Variants in STX18 observed in about 807,000 individuals in gnomAD.
The protein encoded by STX18 is syntaxin-18.
STX18 carries 40 observed loss-of-function variants against 50.1 expected under a neutral mutation model. That is an observed-to-expected ratio of 0.80 (90% CI 0.62 to 1.04). The LOEUF is 1.04. Among genes scored for constraint, STX18 ranks in the 50% least tolerant of loss-of-function variants. STX18 has a pLI of 0.00. For missense variants in STX18, 410 were observed against 415.8 expected, an observed-to-expected ratio of 0.99 and a Z score of 0.12; for synonymous variants, 158 against 151.8, an observed-to-expected ratio of 1.04 and a Z score of -0.30.
intron 1 of STX18, among the ~76,000 whole-genome samples, chr4:4,511,712 TAG>T (rs1491382487): frequency 7.0e-5 from 7 of 99,854 alleles, no homozygotes; most frequent in East Asian, 6.5e-4. Flanking sequence ...CACTCATGAT[TAG>T]TGTGTGTGTG....
At chr4:4,465,656 G>T (rs538626741) in intron 2 of STX18, among the ~76,000 whole-genome samples, 1 of 152,280 alleles carries the variant, frequency 6.6e-6, no homozygotes, top group South Asian at 2.1e-4. Flanking sequence ...ATAGCTAATG[G>T]ATGCTGGGTT....
chr4:4,500,351 T>C (rs533036960), intron 1 of STX18, among the ~76,000 whole-genome samples: 2 of 152,238 alleles, frequency 1.3e-5, no homozygotes, highest in Non-Finnish European at 2.9e-5. Flanking sequence ...TTAAAAAGGA[T>C]GCTGCACCTG....
intron 1 of STX18, among the ~76,000 whole-genome samples, chr4:4,489,260 T>G (rs1728831038): frequency 6.6e-6 from 1 of 152,124 alleles, no homozygotes; most frequent in African/African-American, 2.4e-5. Flanking sequence ...GGGTCTTGCT[T>G]CATCATTCCC....
At chr4:4,447,287 C>T (rs1726459778) in intron 5 of STX18, among the ~76,000 whole-genome samples, 1 of 151,928 alleles carries the variant, frequency 6.6e-6, no homozygotes, top group Admixed American at 6.6e-5. Flanking sequence ...CCTGTTTTCC[C>T]ACCTATAAAA....
chr4:4,433,366 T>G (rs547898829), intron 7 of STX18, among the ~76,000 whole-genome samples: 1 of 152,188 alleles, frequency 6.6e-6, no homozygotes, highest in Admixed American at 6.5e-5. Flanking sequence ...CACTCATGCA[T>G]TCAACAAAGA....
chr4:4,423,464 A>G, intron 9 of STX18, 54 bp downstream of exon 9: 1 of 1,568,090 alleles, frequency 6.4e-7, no homozygotes, highest in Non-Finnish European at 8.8e-7. Flanking sequence ...CGTGCTCTCA[A>G]GTACATTCCC....
At chr4:4,454,503 G>A (rs1410402131) in intron 5 of STX18, among the ~76,000 whole-genome samples, 1 of 152,162 alleles carries the variant, frequency 6.6e-6, no homozygotes, top group African/African-American at 2.4e-5. Flanking sequence ...CCTCTCCCTG[G>A]TGAGTGTGAG....
At chr4:4,436,950 C>CTTTTTT (rs34174730) in intron 6 of STX18, among the ~76,000 whole-genome samples, 12 of 116,752 alleles carry the variant, frequency 1.0e-4, no homozygotes, top group African/African-American at 3.8e-4. Flanking sequence ...TCCAGACTCA[C>CTTTTTT]TTTTTTTTTT....
intron 7 of STX18, among the ~76,000 whole-genome samples, chr4:4,427,188 A>C (rs57762052): frequency 0.018 from 2,745 of 152,200 alleles, 94 homozygotes; most frequent in African/African-American, 0.062. Flanking sequence ...GCTACTCAAA[A>C]CACAAGGAGG....
chr4:4,420,289 C>T lies in STX18; in HGVS notation c.913-160G>A. ...TTGAATAGATGGCTTTTGAGATCCA[C>T]CAGAAGACAAATGGGTTATATTTCC... On this transcript the variant is annotated intron_variant, in intron 10 of 10. Transcript: ENST00000306200. This position sits in a 1 kb window ranked among gnomAD's most constrained non-coding sequence, Gnocchi z 4.3. The T allele has an allele frequency of 1.6e-6, 1 of 608,120 alleles. No homozygotes were observed. The highest frequency in any genetic ancestry group is 2.9e-6 in the Non-Finnish European group (1 of 341,336). The allele number at this position is 608,120 out of a possible 1,614,324, so 37.7% of individuals were successfully genotyped here.
chr4:4,469,406 G>A (rs1727795858), intron 2 of STX18, among the ~76,000 whole-genome samples: 1 of 151,262 alleles, frequency 6.6e-6, no homozygotes, highest in Middle Eastern at 3.4e-3. Context: ...CCCCATGTTT[G>A]GCACTGACGT....
At chr4:4,523,790 C>T (rs1730627838) in intron 1 of STX18, among the ~76,000 whole-genome samples, 1 of 152,188 alleles carries the variant, frequency 6.6e-6, no homozygotes. Flanking sequence ...TTCTCAAATA[C>T]ATACCTAACC....
At chr4:4,445,575 T>C (rs1726351040) in intron 5 of STX18, among the ~76,000 whole-genome samples, 1 of 151,934 alleles carries the variant, frequency 6.6e-6, no homozygotes, top group African/African-American at 2.4e-5. Flanking sequence ...AACAAAATGG[T>C]ATCGTTTACA....
At chr4:4,507,602 C>G (rs933370136) in intron 1 of STX18, 1 of 764,394 alleles carries the variant, frequency 1.3e-6, no homozygotes, top group East Asian at 2.4e-5. Context: ...AGGACTTGAT[C>G]TTCCCAAGCG....
intron 1 of STX18, among the ~76,000 whole-genome samples, chr4:4,475,752 T>A (rs1367131716): frequency 6.6e-6 from 1 of 152,222 alleles, no homozygotes; most frequent in African/African-American, 2.4e-5. Context: ...TTTCACATTT[T>A]TAGAGAGGTT....
In STX18 at chr4:4,542,021, G is replaced by C; in HGVS notation, c.-57C>G. 1.3e-6 allele frequency: 2 copies of C among 1,486,242 alleles called. No homozygotes were observed. The highest frequency in any genetic ancestry group is 2.7e-5 in the South Asian group (2 of 74,788). The allele number at this position is 1,486,242 out of a possible 1,614,324, so 92.1% of individuals were successfully genotyped here. On this transcript the variant is annotated 5_prime_UTR_variant, in exon 1 of 11. Transcript: ENST00000306200. ...CCGCCCACGTAAGCAGCCGGCGACC[G>C]CGGCGCGAACCCGGCCGCTGAAGGA...
chr4:4,513,598 G>A (rs779868783), intron 1 of STX18, among the ~76,000 whole-genome samples: 3 of 152,054 alleles, frequency 2.0e-5, no homozygotes, highest in Non-Finnish European at 4.4e-5. Context: ...AGACACTACT[G>A]TTTTCAAAAG....
At chr4:4,528,062 T>C (rs1336244936) in intron 1 of STX18, among the ~76,000 whole-genome samples, 1 of 151,958 alleles carries the variant, frequency 6.6e-6, no homozygotes, top group Non-Finnish European at 1.5e-5. Context: ...ATGCTAGACT[T>C]ACACAGCGGA....
chr4:4,521,471 A>G (rs16835830), intron 1 of STX18, among the ~76,000 whole-genome samples: 24,037 of 152,206 alleles, frequency 0.16, 1,947 homozygotes, highest in Non-Finnish European at 0.18. Context: ...TCATGAAATC[A>G]GAAGAGCCCA....
Sources: allele counts gnomAD v4.1 joint callset (sites outside exome capture counted in the v4.1 genomes callset), GRCh38; gene constraint gnomAD v4.1.1; non-coding constraint Gnocchi (gnomAD v3.1); transcripts MANE v1.5; gene names NCBI Gene and HGNC (gene_info 2026-07-23, HGNC 2026-07-21).